CDH10: variants seen among roughly 807,000 people sequenced by gnomAD.
The protein encoded by CDH10 is cadherin-10.
CDH10 carries 30 observed loss-of-function variants against 73.1 expected under a neutral mutation model. That is an observed-to-expected ratio of 0.41 (90% CI 0.31 to 0.56). CDH10 has a LOEUF of 0.56. CDH10 is among the 20% of genes least tolerant of loss of function. The pLI, the probability that CDH10 is intolerant of heterozygous loss-of-function variation, is 0.27. For synonymous variants in CDH10, 345 were observed against 348.2 expected, an observed-to-expected ratio of 0.99 and a Z score of 0.10; for missense variants, 815 against 973.7, an observed-to-expected ratio of 0.84 and a Z score of 2.17.
chr5:24,615,229 G>A (rs1352652080), intron 1 of CDH10, among the ~76,000 whole-genome samples: 1 of 152,122 alleles, frequency 6.6e-6, no homozygotes, highest in East Asian at 1.9e-4. Flanking sequence ...TTTTGCACTT[G>A]CTGTTCCTTT....
rs2111596492 is a variant in CDH10 at position 24,487,605 on chromosome 5, G to A, written c.*58C>T. 4 of 1,505,262 alleles carry A rather than the reference G, an allele frequency of 2.7e-6. No homozygotes were observed. The highest frequency in any genetic ancestry group is 3.6e-6 in the Non-Finnish European group (4 of 1,114,260). 93.2% of individuals were successfully genotyped at this position (1,505,262 alleles called of 1,614,324 possible). A position where few individuals can be genotyped will look rare whatever the true frequency, so the allele number is the denominator to read the frequency against. ...GCTCCTGAATATCAAATATTGTGAA[G>A]TGGAGACAGCATGGGTAGAGTTACT... On this transcript the variant is annotated 3_prime_UTR_variant, in exon 12 of 12. Coordinates refer to ENST00000264463, the MANE Select transcript of CDH10 (RefSeq NM_006727.5).
At chr5:24,543,834 A>T (rs1045551406) in intron 2 of CDH10, among the ~76,000 whole-genome samples, 2 of 152,174 alleles carry the variant, frequency 1.3e-5, no homozygotes, top group African/African-American at 4.8e-5. Context: ...AAGAAAAATG[A>T]GGAGAATGGG....
chr5:24,618,442 CAT>C (rs1459062583), intron 1 of CDH10, among the ~76,000 whole-genome samples: 3 of 152,256 alleles, frequency 2.0e-5, no homozygotes, highest in African/African-American at 4.8e-5. Flanking sequence ...TCTTAAAACT[CAT>C]GTGATTATTC....
intron 1 of CDH10, among the ~76,000 whole-genome samples, chr5:24,614,931 C>T (rs1394320307): frequency 6.6e-6 from 1 of 152,148 alleles, no homozygotes; most frequent in Non-Finnish European, 1.5e-5. Flanking sequence ...GATGTACAGG[C>T]TCTGGTTTTA....
chr5:24,525,564 T>C (rs1410553621), intron 5 of CDH10, among the ~76,000 whole-genome samples: 1 of 151,972 alleles, frequency 6.6e-6, no homozygotes, highest in East Asian at 1.9e-4. Flanking sequence ...TAAAGCTCCT[T>C]GGAGGGAACT....
At chr5:24,542,841 G>T (rs1744207132) in intron 2 of CDH10, among the ~76,000 whole-genome samples, 1 of 152,096 alleles carries the variant, frequency 6.6e-6, no homozygotes, top group South Asian at 2.1e-4. Context: ...TCTTGCTGGA[G>T]CACTAATGCT....
chr5:24,556,423 A>C (rs375752112), intron 2 of CDH10, among the ~76,000 whole-genome samples: 1 of 152,072 alleles, frequency 6.6e-6, no homozygotes. Flanking sequence ...TGTTTGATTT[A>C]TATTAATAAA....
chr5:24,547,299 C>T (rs1193018865), intron 2 of CDH10, among the ~76,000 whole-genome samples: 1 of 152,098 alleles, frequency 6.6e-6, no homozygotes, highest in African/African-American at 2.4e-5. Flanking sequence ...AAATAAATCA[C>T]AGAAAATCAT....
At chr5:24,527,996 T>C (rs1371031168) in intron 5 of CDH10, among the ~76,000 whole-genome samples, 1 of 151,930 alleles carries the variant, frequency 6.6e-6, no homozygotes, top group African/African-American at 2.4e-5. Flanking sequence ...TTTTATTTCT[T>C]AGCACAGTTC....
chr5:24,509,095 C>T (rs1398586930), intron 7 of CDH10, among the ~76,000 whole-genome samples: 1 of 151,856 alleles, frequency 6.6e-6, no homozygotes, highest in Non-Finnish European at 1.5e-5. Context: ...TGCCTGTGCT[C>T]ACCATATTTG....
intron 1 of CDH10, among the ~76,000 whole-genome samples, chr5:24,639,716 C>T (rs1210905397): frequency 6.6e-6 from 1 of 151,832 alleles, no homozygotes; most frequent in East Asian, 1.9e-4. Flanking sequence ...AAAGAAGAAT[C>T]AACATGTCTA....
At chr5:24,592,784 T>C (rs1193507064) in intron 2 of CDH10, among the ~76,000 whole-genome samples, 4 of 151,836 alleles carry the variant, frequency 2.6e-5, no homozygotes, top group African/African-American at 4.8e-5. Context: ...AATTTTCTTA[T>C]AATAAGCAAC....
At chr5:24,538,563 T>C (rs1037740703) in intron 2 of CDH10, among the ~76,000 whole-genome samples, 4 of 152,116 alleles carry the variant, frequency 2.6e-5, no homozygotes, top group East Asian at 3.9e-4. Context: ...CAGGAGTTCA[T>C]GTGTCATGAA....
At chr5:24,490,710 C>T (rs1033929809) in intron 11 of CDH10, among the ~76,000 whole-genome samples, 1 of 151,964 alleles carries the variant, frequency 6.6e-6, no homozygotes, top group Non-Finnish European at 1.5e-5. Context: ...AAAACATGCT[C>T]TTTTTATAAT....
At chr5:24,516,641 G>A (rs1031401900) in intron 5 of CDH10, among the ~76,000 whole-genome samples, 23 of 151,586 alleles carry the variant, frequency 1.5e-4, no homozygotes, top group Non-Finnish European at 2.9e-5. Context: ...TAATAATATG[G>A]TTATTTATTG....
intron 2 of CDH10, among the ~76,000 whole-genome samples, chr5:24,556,579 A>T (rs973877017): frequency 6.6e-6 from 1 of 151,802 alleles, no homozygotes. Context: ...AAAATCAGTT[A>T]TAATGAGCTC....
At chr5:24,609,282 C>T (rs2112139183) in intron 1 of CDH10, among the ~76,000 whole-genome samples, 1 of 152,228 alleles carries the variant, frequency 6.6e-6, no homozygotes, top group South Asian at 2.1e-4. Context: ...CCCTTCCATG[C>T]CTCTAGTCAA....
intron 9 of CDH10, among the ~76,000 whole-genome samples, chr5:24,493,700 C>T (rs999062521): frequency 1.3e-5 from 2 of 151,676 alleles, no homozygotes; most frequent in Non-Finnish European, 3.0e-5. Flanking sequence ...ATTTATAATA[C>T]AATTTGTATA....
At chr5:24,543,040 CA>C (rs1037652617) in intron 2 of CDH10, among the ~76,000 whole-genome samples, 1 of 151,592 alleles carries the variant, frequency 6.6e-6, no homozygotes, top group African/African-American at 2.4e-5. Context: ...GAAATATTAC[CA>C]AAAAAATCAA....
Sources: allele counts gnomAD v4.1 joint callset (sites outside exome capture counted in the v4.1 genomes callset), GRCh38; gene constraint gnomAD v4.1.1; transcripts MANE v1.5; gene names NCBI Gene and HGNC (gene_info 2026-07-23, HGNC 2026-07-21).